The following MVK variants were observed in gnomAD, a reference collection of about 807,000 sequenced individuals.
The protein encoded by MVK is mevalonate kinase.
In MVK, 34 loss-of-function variants were observed where a neutral mutation model predicts 43.2. The ratio of observed to expected loss-of-function variants is 0.79; its 90% CI spans 0.60 to 1.05. The LOEUF (loss-of-function observed/expected upper bound fraction) is 1.05, where lower values mean the gene tolerates loss of function less well. MVK is among the 50% of genes least tolerant of loss of function. The pLI is 0.00. For missense variants in MVK, 395 were observed against 504.0 expected (o/e 0.78, Z 2.07); for synonymous variants, 190 against 219.8 (o/e 0.86, Z 1.20).
chr12:109,585,662 G>A (rs771740445), intron 5 of MVK, among the ~76,000 whole-genome samples: 14 of 152,152 alleles, frequency 9.2e-5, no homozygotes, highest in African/African-American at 2.4e-4. Flanking sequence ...CCAGCTGCTC[G>A]GGAGGCTGAG....
At chr12:109,593,329 C>T (rs1885763729) in intron 9 of MVK, among the ~76,000 whole-genome samples, 1 of 152,234 alleles carries the variant, frequency 6.6e-6, no homozygotes, top group South Asian at 2.1e-4. Context: ...TTGGGGAGGG[C>T]CACTCCAACC....
rs376025633 is a variant in MVK at position 109,591,342 on chromosome 12, G to T, written c.870G>T (p.Gln290His). ...TGGGGGAAGCCCCAGCCCCGGAGCA[G>T]TACCTCGTGCTGGAAGTAAGAGCCT... ...GEMGEAPAPE[Q>H]YLVLEELIDM... Residue 290 changes from glutamine (Q) to histidine (H), a missense_variant, in exon 9 of 11, where the codon CAG becomes CAT. Transcript: ENST00000228510. The T allele has an allele frequency of 2.5e-6, 4 of 1,614,060 alleles. No individual in the cohort carries two copies. The African/African-American group carries it at 4.0e-5, about 16-fold the overall frequency.
chr12:109,578,686 T>C (rs1299673161), intron 3 of MVK, among the ~76,000 whole-genome samples: 1 of 152,226 alleles, frequency 6.6e-6, no homozygotes, highest in East Asian at 1.9e-4. Context: ...AATGATGCCA[T>C]GACTTGGCCA....
At chr12:109,576,554 T>C (rs1884965396) in intron 3 of MVK, among the ~76,000 whole-genome samples, 1 of 152,086 alleles carries the variant, frequency 6.6e-6, no homozygotes, top group Admixed American at 6.5e-5. Context: ...GGAGAATATA[T>C]TGGCATTTTG....
rs530779466 is a variant in MVK at position 109,594,136 on chromosome 12, T to C, written c.886-892T>C. On this transcript the variant is annotated intron_variant, in intron 9 of 10. Transcript: ENST00000228510. ...GCAGAGACTCGAACACAGGCCTACTTGACTCCAAATCCCATGGTTTTTACT... is the reference window on the plus strand; with the variant it reads ...GCAGAGACTCGAACACAGGCCTACTCGACTCCAAATCCCATGGTTTTTACT... 2.8e-3 allele frequency among the ~76,000 whole-genome samples: 423 copies of C among 152,202 alleles called. 2 individuals carry two copies. The highest frequency in any genetic ancestry group is 6.8e-3 in the Middle Eastern group (2 of 294).
At chr12:109,574,019 G>T in intron 1 of MVK, 146 bp downstream of exon 1, 1 of 154,662 alleles carries the variant, frequency 6.5e-6, no homozygotes, top group South Asian at 1.8e-4. Context: ...TGACAGTCGT[G>T]ATTTTGAGCT....
rs1006383797 is a variant in MVK at position 109,597,072 on chromosome 12, T to C, written c.*495T>C. The stretch of plus-strand genomic sequence containing the variant: ...CCCCTCCCTCCCAGAGCACCTGCTG[T>C]CTGGGTGGCTCACTCAGCACTTGGT... On this transcript the variant is annotated 3_prime_UTR_variant, in exon 11 of 11. Transcript: ENST00000228510. 2.2e-5 allele frequency: 5 copies of C among 229,286 alleles called. No individual in the cohort carries two copies. The highest frequency in any genetic ancestry group is 1.1e-4 in the African/African-American group (5 of 43,944). The allele number at this position is 229,286 out of a possible 1,614,324, so 14.2% of individuals were successfully genotyped here. A position where few individuals can be genotyped will look rare whatever the true frequency, so the allele number is the denominator to read the frequency against.
intron 9 of MVK, among the ~76,000 whole-genome samples, chr12:109,593,097 C>T (rs777522042): frequency 1.3e-5 from 2 of 152,224 alleles, no homozygotes; most frequent in Non-Finnish European, 2.9e-5. Flanking sequence ...GTCATCTGAT[C>T]CTTGACAGAT....
chr12:109,573,533 G>A (rs777787317), upstream of MVK: 4 of 1,559,702 alleles, frequency 2.6e-6, no homozygotes, highest in South Asian at 4.6e-5. Context: ...TCCAGTCCGC[G>A]GGGTGACTCC....
intron 3 of MVK, among the ~76,000 whole-genome samples, chr12:109,578,319 A>G (rs1885053691): frequency 6.6e-6 from 1 of 151,832 alleles, no homozygotes; most frequent in Non-Finnish European, 1.5e-5. Context: ...GCTGGTCCCA[A>G]ATTCCTGGGC....
chr12:109,573,290 C>G (rs781334133), upstream of MVK: 18 of 1,608,014 alleles, frequency 1.1e-5, no homozygotes, highest in South Asian at 1.8e-4. Flanking sequence ...GTACCCATGG[C>G]GACGACACCA....
intron 9 of MVK, 128 bp from the exon 10 acceptor site, chr12:109,594,900 C>G: frequency 8.9e-7 from 1 of 1,121,402 alleles, no homozygotes; most frequent in South Asian, 1.3e-5. Context: ...GGCCAGGGTG[C>G]CAGGTAGGCA....
At chr12:109,576,692 G>A (rs4766612) in intron 3 of MVK, among the ~76,000 whole-genome samples, 19,029 of 151,966 alleles carry the variant, frequency 0.13, 1,470 homozygotes, top group Non-Finnish European at 0.17. Flanking sequence ...CCAACATGTC[G>A]AAACCATGTC....
At position 109,596,682 on chromosome 12, in the gene MVK, C is replaced by A; in HGVS notation, c.*105C>A. 1 of 1,480,970 alleles carries A rather than the reference C, an allele frequency of 6.8e-7. No individual in the cohort carries two copies. The highest frequency in any genetic ancestry group is 9.2e-7 in the Non-Finnish European group (1 of 1,092,134). The allele number at this position is 1,480,970 out of a possible 1,614,324, so 91.7% of individuals were successfully genotyped here. A position where few individuals can be genotyped will look rare whatever the true frequency, so the allele number is the denominator to read the frequency against. On this transcript the variant is annotated 3_prime_UTR_variant, in exon 11 of 11. Coordinates refer to ENST00000228510, the MANE Select transcript of MVK (RefSeq NM_000431.4). ...GCCAGCGAGCGCCCAGCTCCTGACA[C>A]TGCTGGAGAGGCCCCAGCCGCTTGG...
rs372234802 is a variant in MVK at position 109,575,142 on chromosome 12, G to T, written c.78+242G>T. Among the ~76,000 whole-genome samples, 4 of 152,300 alleles carry T rather than the reference G, an allele frequency of 2.6e-5. No individual in the cohort carries two copies. The South Asian group carries it at 6.2e-4, about 24-fold the overall frequency. ...CTGTGAGTGGAATGAGATCACCTAG[G>T]AGTGAGCTTTGATGCAGAAGGAAAG... On this transcript the variant is annotated intron_variant, in intron 2 of 10. Transcript: ENST00000228510.
chr12:109,596,711 T>C lies in MVK; in HGVS notation c.*134T>C. 7.7e-7 allele frequency: 1 copy of C among 1,300,650 alleles called. No individual in the cohort carries two copies. Among genetic ancestry groups the C allele is most frequent in the Non-Finnish European group, 1.1e-6 (1 of 934,678 alleles). 80.6% of individuals were successfully genotyped at this position (1,300,650 alleles called of 1,614,324 possible). ...TGGAGAGGCCCCAGCCGCTTGGCGA[T>C]GCCAGCCAAGCTCTGCAGTCCCAGC... On this transcript the variant is annotated 3_prime_UTR_variant, in exon 11 of 11. Coordinates refer to ENST00000228510, the MANE Select transcript of MVK (RefSeq NM_000431.4).
Position 109,597,980 on chromosome 12 carries a change from A to G in MVK, c.*1403A>G, listed in dbSNP as rs922794382. ...CCAGCCTTGGGCCCGGCCTGGGATC[A>G]CTGCTGGGAACGTGAGAGTGAAGGG... On this transcript the variant is annotated 3_prime_UTR_variant, in exon 11 of 11. Transcript: ENST00000228510. 6.6e-6 allele frequency: 1 copy of G among 152,240 alleles called. No individual in the cohort carries two copies. Among genetic ancestry groups the G allele is most frequent in the Admixed American group, 6.5e-5 (1 of 15,286 alleles). The allele number at this position is 152,240 out of a possible 1,614,324, so 9.4% of individuals were successfully genotyped here.
intron 7 of MVK, among the ~76,000 whole-genome samples, chr12:109,587,513 G>C (rs1157717063): frequency 6.6e-6 from 1 of 152,230 alleles, no homozygotes; most frequent in Non-Finnish European, 1.5e-5. Context: ...AGGGGAGCCA[G>C]GTGCCTTTTT....
At position 109,583,597 on chromosome 12, in the gene MVK, C is replaced by A. The variant is rs986222712; in HGVS notation, c.527+2047C>A. On this transcript the variant is annotated intron_variant, in intron 5 of 10. Coordinates refer to ENST00000228510, the MANE Select transcript of MVK (RefSeq NM_000431.4). ...TCTTTATAGCAGCATGATTTATAGT[C>A]CTTTGGGTATATACCCAGTAATGGG... Among the ~76,000 whole-genome samples the A allele has an allele frequency of 3.3e-5, 5 of 152,138 alleles. No homozygotes were observed. In the South Asian group the frequency reaches 1.0e-3, roughly 31 times the overall value.
Sources: allele counts gnomAD v4.1 joint callset (sites outside exome capture counted in the v4.1 genomes callset), GRCh38; gene constraint gnomAD v4.1.1; transcripts MANE v1.5; gene names NCBI Gene and HGNC (gene_info 2026-07-23, HGNC 2026-07-21).